CLIP3: variants seen among roughly 807,000 people sequenced by gnomAD.
CLIP3 encodes the protein CAP-Gly domain-containing linker protein 3.
Under a neutral mutation model 59.4 loss-of-function variants are expected in CLIP3, and 15 were observed. The observed-to-expected ratio is 0.25, with a 90% CI of 0.17 to 0.39. The LOEUF is 0.39. Among genes scored for constraint, CLIP3 ranks in the 10% least tolerant of loss-of-function variants. The probability of loss-of-function intolerance (pLI) is 1.00; values close to 1 mark genes in which losing one functional copy is unlikely to be tolerated. For synonymous variants in CLIP3, 300 were observed against 321.6 expected (o/e 0.93, Z 0.72); for missense variants, 495 against 765.7 (o/e 0.65, Z 4.17).
chr19:36,027,983 T>C lies in CLIP3; in HGVS notation c.167-712A>G, dbSNP rs533996889. On this transcript the variant is annotated intron_variant, in intron 2 of 13. Coordinates refer to ENST00000360535, the MANE Select transcript of CLIP3 (RefSeq NM_015526.3). ...AGTTCAAGGCTGCAGTGAGCCATGA[T>C]TGTGCCACTACACGCCAGCCTGGGC... 2.0e-5 allele frequency among the ~76,000 whole-genome samples: 3 copies of C among 151,842 alleles called. No individual in the cohort carries two copies. The East Asian group carries it at 5.8e-4, about 29-fold the overall frequency.
At chr19:36,030,117 GCA>G in intron 2 of CLIP3, among the ~76,000 whole-genome samples, 1 of 152,064 alleles carries the variant, frequency 6.6e-6, no homozygotes, top group Non-Finnish European at 1.5e-5. Flanking sequence ...GTGCAGTGGT[GCA>G]ATCCTAGCTT....
chr19:36,027,320 T>C (rs1969141056), intron 2 of CLIP3, 49 bp from the exon 3 acceptor site: 3 of 1,545,072 alleles, frequency 1.9e-6, no homozygotes, highest in Non-Finnish European at 2.6e-6. Flanking sequence ...GACCCCCTCC[T>C]TCCAGCCTCA....
chr19:36,022,535 C>T (rs1968979898), intron 7 of CLIP3, among the ~76,000 whole-genome samples: 1 of 152,178 alleles, frequency 6.6e-6, no homozygotes, highest in Non-Finnish European at 1.5e-5. Flanking sequence ...CTGTTGGAGC[C>T]TCTTATAGTC....
At position 36,026,128 on chromosome 19, in the gene CLIP3, TG is replaced by T; in HGVS notation, c.681+18del. ...AAGGGAGCAGGAGGGTAACGGGTTC[TG>T]GGCAAGGGTGGCAGTACCCTCAGCG... On this transcript the variant is annotated intron_variant, in intron 6 of 13. Coordinates refer to ENST00000360535, the MANE Select transcript of CLIP3 (RefSeq NM_015526.3). This position sits in a 1 kb window ranked among gnomAD's most constrained non-coding sequence, Gnocchi z 6.3. The T allele has an allele frequency of 6.3e-7, 1 of 1,595,528 alleles. No individual in the cohort carries two copies. Among genetic ancestry groups the T allele is most frequent in the Non-Finnish European group, 8.6e-7 (1 of 1,164,208 alleles).
rs1351927440 is a variant in CLIP3 at position 36,016,945 on chromosome 19, C to A, written c.1551G>T (p.Arg517=). 1 of 1,614,024 alleles carries A rather than the reference C, an allele frequency of 6.2e-7. No individual in the cohort carries two copies. Among genetic ancestry groups the A allele is most frequent in the African/African-American group, 1.3e-5 (1 of 75,004 alleles). ...TQPKRTFTTV[R]TPKDIASENS... ...TCTCTGATGCAATGTCCTTTGGGGT[C>A]CGGACTGTGGTGAAGGTGCGTTTGG... Residue 517 remains arginine (R), a synonymous_variant, in exon 13 of 14, where the codon CGG becomes CGT. Coordinates refer to ENST00000360535, the MANE Select transcript of CLIP3 (RefSeq NM_015526.3). The surrounding 1 kb of genome is among the most constrained non-coding windows in gnomAD (Gnocchi z 4.1).
At chr19:36,030,995 CTTTTTTTCTTTTCTT>C (rs532594200) in intron 2 of CLIP3, among the ~76,000 whole-genome samples, 19,177 of 112,540 alleles carry the variant, frequency 0.17, 1,737 homozygotes, top group Middle Eastern at 0.31. Context: ...TTTCTTTTTT[CTTTTTTTCTTTTCTT>C]TTTTTTTTTT....
chr19:36,021,509 GA>G (rs1210520779), intron 7 of CLIP3, among the ~76,000 whole-genome samples: 1 of 147,114 alleles, frequency 6.8e-6, no homozygotes, highest in Non-Finnish European at 1.5e-5. Flanking sequence ...GGCTGGTCTT[GA>G]ACTCCTGGGC....
chr19:36,026,095 G>T lies in CLIP3; in HGVS notation c.681+52C>A. On this transcript the variant is annotated intron_variant, in intron 6 of 13. Transcript: ENST00000360535. The surrounding 1 kb of genome is among the most constrained non-coding windows in gnomAD (Gnocchi z 6.3). The stretch of plus-strand genomic sequence containing the variant: ...ACGCAGAGACCTGCTGGAGGGAAGT[G>T]GGGGAGGAAGGGAGCAGGAGGGTAA... The T allele has an allele frequency of 1.5e-6, 2 of 1,373,494 alleles. No individual in the cohort carries two copies. The highest frequency in any genetic ancestry group is 1.0e-6 in the Non-Finnish European group (1 of 965,550). The allele number at this position is 1,373,494 out of a possible 1,614,324, so 85.1% of individuals were successfully genotyped here. A position where few individuals can be genotyped will look rare whatever the true frequency, so the allele number is the denominator to read the frequency against.
intron 9 of CLIP3, 118 bp from the exon 10 acceptor site, chr19:36,018,109 TC>T: frequency 8.5e-7 from 1 of 1,176,964 alleles, no homozygotes; most frequent in Non-Finnish European, 1.2e-6. Context: ...TGAAACTGAA[TC>T]CCAGATGCCA....
Position 36,032,674 on chromosome 19 carries a change from G to A in CLIP3, c.-59+50C>T, listed in dbSNP as rs1969298696. The A allele has an allele frequency of 4.3e-6, 1 of 234,932 alleles. No individual in the cohort carries two copies. Among genetic ancestry groups the A allele is most frequent in the Non-Finnish European group, 8.2e-6 (1 of 122,514 alleles). 14.6% of individuals were successfully genotyped at this position (234,932 alleles called of 1,614,324 possible). A position where few individuals can be genotyped will look rare whatever the true frequency, so the allele number is the denominator to read the frequency against. The stretch of plus-strand genomic sequence containing the variant: ...CCGGGTTTGTTTATCTCGGGATTCA[G>A]GATGCTTCGCCCCTCCCCTTCTCCG... On this transcript the variant is annotated intron_variant, in intron 1 of 13. Coordinates refer to ENST00000360535, the MANE Select transcript of CLIP3 (RefSeq NM_015526.3). The surrounding 1 kb of genome is among the most constrained non-coding windows in gnomAD (Gnocchi z 4.3).
At position 36,019,033 on chromosome 19, in the gene CLIP3, G is replaced by A. The variant is rs375214708; in HGVS notation, c.1055-7C>T. 275 of 1,584,672 alleles carry A rather than the reference G, an allele frequency of 1.7e-4. 2 individuals carry two copies. The highest frequency in any genetic ancestry group is 4.6e-4 in the South Asian group (39 of 85,580). The stretch of plus-strand genomic sequence containing the variant: ...GACACGGAGGCAAAGAGACCTAGGG[G>A]TACAGAATCCGAGCCTGGTGTTGTC... On this transcript the variant is annotated splice_polypyrimidine_tract_variant and splice_region_variant and intron_variant, in intron 8 of 13. Coordinates refer to ENST00000360535, the MANE Select transcript of CLIP3 (RefSeq NM_015526.3).
chr19:36,031,137 T>C (rs912443953), intron 2 of CLIP3, among the ~76,000 whole-genome samples: 2 of 146,156 alleles, frequency 1.4e-5, no homozygotes, highest in Non-Finnish European at 3.0e-5. Flanking sequence ...TGCCTCAGCC[T>C]CCCGAGTGGC....
At position 36,032,179 on chromosome 19, in the gene CLIP3, G is replaced by C. The variant is rs935465563; in HGVS notation, c.166+13C>G. On this transcript the variant is annotated intron_variant, in intron 2 of 13. Coordinates refer to ENST00000360535, the MANE Select transcript of CLIP3 (RefSeq NM_015526.3). This position sits in a 1 kb window ranked among gnomAD's most constrained non-coding sequence, Gnocchi z 4.3. The stretch of plus-strand genomic sequence containing the variant: ...CGCTCCAGGCCAGATTCCAGGGTGG[G>C]GACAGTGGTTACCGTAGTCCTTAGG... The C allele has an allele frequency of 4.8e-6, 6 of 1,252,858 alleles. No individual in the cohort carries two copies. Among genetic ancestry groups the C allele is most frequent in the Non-Finnish European group, 4.1e-6 (4 of 985,178 alleles). The allele number at this position is 1,252,858 out of a possible 1,614,324, so 77.6% of individuals were successfully genotyped here.
At position 36,024,438 on chromosome 19, in the gene CLIP3, C is replaced by G. The variant is rs776414602; in HGVS notation, c.876G>C (p.Leu292=). ...NVPGNLMLSA[L]GLRLGDRVLL... ...GCACGCGGTCTCCCAGGCGCAAGCC[C>G]AGTGCGCTAAGCATGAGATTGCCTG... Residue 292 remains leucine, a synonymous_variant, in exon 7 of 14, where the codon CTG becomes CTC. Transcript: ENST00000360535. 1 of 1,614,100 alleles carries G rather than the reference C, an allele frequency of 6.2e-7. No homozygotes were observed. Among genetic ancestry groups the G allele is most frequent in the Admixed American group, 1.7e-5 (1 of 60,006 alleles).
chr19:36,017,526 T>C, intron 11 of CLIP3, 76 bp from the exon 12 acceptor site: 6 of 1,602,032 alleles, frequency 3.7e-6, no homozygotes, highest in South Asian at 1.1e-5. Context: ...GCCCCAGGGA[T>C]CTATGAGGAA....
intron 3 of CLIP3, 30 bp downstream of exon 3, chr19:36,027,102 C>T: frequency 6.3e-7 from 1 of 1,592,276 alleles, no homozygotes; most frequent in Non-Finnish European, 8.5e-7. Context: ...ACCGCATCCC[C>T]TCTCCCCCTG....
chr19:36,028,904 T>C (rs1250400369), intron 2 of CLIP3, among the ~76,000 whole-genome samples: 1 of 151,862 alleles, frequency 6.6e-6, no homozygotes, highest in African/African-American at 2.4e-5. Flanking sequence ...TTCACAAAGC[T>C]TTATAAATCT....
At position 36,015,786 on chromosome 19, in the gene CLIP3, G is replaced by C. The variant is rs1968780121; in HGVS notation, c.*372C>G. On this transcript the variant is annotated 3_prime_UTR_variant, in exon 14 of 14. Transcript: ENST00000360535. ...GACTTAAGGGGCAGTGTTTGTTAAT[G>C]GGGAGGTTTCTGATCCAGGGTTGGG... 3.6e-6 allele frequency: 1 copy of C among 278,730 alleles called. No individual in the cohort carries two copies. The highest frequency in any genetic ancestry group is 7.0e-6 in the Non-Finnish European group (1 of 142,778). 17.3% of individuals were successfully genotyped at this position (278,730 alleles called of 1,614,324 possible). A position where few individuals can be genotyped will look rare whatever the true frequency, so the allele number is the denominator to read the frequency against.
At chr19:36,024,331 C>T (rs565626761) in intron 7 of CLIP3, 65 bp downstream of exon 7, 2 of 1,437,348 alleles carry the variant, frequency 1.4e-6, no homozygotes, top group East Asian at 2.3e-5. Context: ...GGACGCAGCT[C>T]CAAGGGATTA....
Sources: allele counts gnomAD v4.1 joint callset (sites outside exome capture counted in the v4.1 genomes callset), GRCh38; gene constraint gnomAD v4.1.1; non-coding constraint Gnocchi (gnomAD v3.1); transcripts MANE v1.5; gene names NCBI Gene and HGNC (gene_info 2026-07-23, HGNC 2026-07-21).